Variants in BMPER observed in about 807,000 individuals in gnomAD.
The protein encoded by BMPER is BMP-binding endothelial regulator protein.
A neutral mutation model predicts 87.3 loss-of-function variants in BMPER; 45 were observed. That is an observed-to-expected ratio of 0.52 (90% confidence interval 0.41 to 0.66). The LOEUF is 0.66. Ranked by LOEUF, BMPER falls within the 30% of genes least tolerant of loss-of-function variation. The pLI is 0.00. For missense variants in BMPER, 784 were observed against 867.5 expected, an observed-to-expected ratio of 0.90 and a Z score of 1.21; for synonymous variants, 326 against 316.2, an observed-to-expected ratio of 1.03 and a Z score of -0.33.
intron 6 of BMPER, among the ~76,000 whole-genome samples, chr7:33,989,098 C>G (rs969130340): frequency 8.3e-5 from 11 of 132,438 alleles, no homozygotes; most frequent in Admixed American, 8.0e-5. Flanking sequence ...GTCTTTATAG[C>G]AGCATGATTT....
chr7:33,905,438 T>TCCCCCCCCCCCCCCCCCCCCCCC, upstream of BMPER: 4 of 23,006 alleles, frequency 1.7e-4, no homozygotes, highest in Admixed American at 6.0e-4. Flanking sequence ...CCTTGGTCTC[T>TCCCCCCCCCCCCCCCCCCCCCCC]CCCCCCGCCC....
At chr7:33,905,436 T>TCCCCCCCCCCCCCCCCCCCCCC, upstream of BMPER, 2 of 20,336 alleles carry the variant, frequency 9.8e-5, no homozygotes, top group Admixed American at 7.2e-4. Context: ...CACCTTGGTC[T>TCCCCCCCCCCCCCCCCCCCCCC]CTCCCCCCGC....
chr7:34,131,326 C>T (rs972076739), intron 13 of BMPER, among the ~76,000 whole-genome samples: 1 of 152,110 alleles, frequency 6.6e-6, no homozygotes, highest in Non-Finnish European at 1.5e-5. Flanking sequence ...TGTGAAAAGA[C>T]CCTTTCTTGT....
intron 13 of BMPER, among the ~76,000 whole-genome samples, chr7:34,136,481 A>G (rs1790722262): frequency 6.6e-6 from 1 of 152,128 alleles, no homozygotes; most frequent in Non-Finnish European, 1.5e-5. Context: ...TCAAGGATTA[A>G]AATGTGAGTT....
intron 6 of BMPER, among the ~76,000 whole-genome samples, chr7:34,007,980 T>C (rs1376941274): frequency 6.6e-6 from 1 of 152,024 alleles, no homozygotes; most frequent in Non-Finnish European, 1.5e-5. Context: ...TTTATTGTTT[T>C]TCTTGTCAGT....
intron 13 of BMPER, among the ~76,000 whole-genome samples, chr7:34,089,131 T>C (rs1789303690): frequency 6.6e-6 from 1 of 152,210 alleles, no homozygotes; most frequent in South Asian, 2.1e-4. Context: ...TAGTCAGATC[T>C]GTGGCTGTGA....
chr7:33,906,930 A>G, intron 2 of BMPER, 27 bp downstream of exon 2: 1 of 1,544,934 alleles, frequency 6.5e-7, no homozygotes, highest in Non-Finnish European at 8.9e-7. Flanking sequence ...GGTAATATGA[A>G]CTCAACTGCT....
chr7:34,067,226 A>G (rs917750599), intron 11 of BMPER: 10 of 152,240 alleles, frequency 6.6e-5, no homozygotes, highest in African/African-American at 2.2e-4. Flanking sequence ...TGCAGGCTGC[A>G]TTGGTGTGCC....
Position 33,966,532 on chromosome 7 carries a change from G to C in BMPER, c.373G>C (p.Ala125Pro). ...YNSSFKWQSPAEPCVLRQCQE... is the reference protein window; with the variant it reads ...YNSSFKWQSPPEPCVLRQCQE... Reference sequence around the variant, plus strand: ...CAGCTCCTTCAAATGGCAGAGCCCGGCTGAGCCTTGTGTTCTACGCCAGTG... The same window carrying C: ...CAGCTCCTTCAAATGGCAGAGCCCGCCTGAGCCTTGTGTTCTACGCCAGTG... The change falls in exon 4 of 15, where the codon GCT becomes CCT. Residue 125 changes from alanine to proline, a missense_variant. Coordinates refer to ENST00000649409, the MANE Select transcript of BMPER (RefSeq NM_001365308.1). The C allele has an allele frequency of 6.2e-7, 1 of 1,613,812 alleles. No homozygotes were observed. Among genetic ancestry groups the C allele is most frequent in the South Asian group, 1.1e-5 (1 of 91,072 alleles).
chr7:33,926,419 T>C (rs116380067), intron 2 of BMPER, among the ~76,000 whole-genome samples: 75 of 152,336 alleles, frequency 4.9e-4, no homozygotes, highest in African/African-American at 1.7e-3. Context: ...ATGGTTGATA[T>C]TTTCCTTTAA....
chr7:34,050,177 G>A (rs898411655), intron 7 of BMPER, among the ~76,000 whole-genome samples: 13 of 152,264 alleles, frequency 8.5e-5, no homozygotes, highest in Middle Eastern at 3.4e-3. Context: ...CGTTAGTTGG[G>A]GAATTAACAA....
At chr7:34,084,813 C>T (rs79729591) in intron 12 of BMPER, among the ~76,000 whole-genome samples, 2,353 of 152,266 alleles carry the variant, frequency 0.015, 62 homozygotes, top group African/African-American at 0.054. Flanking sequence ...GAGTCATTGG[C>T]CAGTGTGGCT....
At chr7:34,132,063 T>A (rs994596432) in intron 13 of BMPER, among the ~76,000 whole-genome samples, 2 of 152,044 alleles carry the variant, frequency 1.3e-5, no homozygotes, top group Non-Finnish European at 2.9e-5. Context: ...TGGAAAGGGG[T>A]AATAATGTGC....
intron 13 of BMPER, among the ~76,000 whole-genome samples, chr7:34,122,763 A>G (rs925218184): frequency 6.6e-6 from 1 of 152,194 alleles, no homozygotes; most frequent in Admixed American, 6.5e-5. Flanking sequence ...GCTTTTAATA[A>G]CAACCAAAGT....
chr7:34,115,264 G>A (rs528115276), intron 13 of BMPER, among the ~76,000 whole-genome samples: 10 of 152,284 alleles, frequency 6.6e-5, no homozygotes, highest in African/African-American at 2.4e-4. Flanking sequence ...TATTTTAGGA[G>A]AGAGATAACT....
chr7:33,930,935 G>A (rs1784465421), intron 2 of BMPER, among the ~76,000 whole-genome samples: 2 of 152,186 alleles, frequency 1.3e-5, no homozygotes, highest in Non-Finnish European at 2.9e-5. Context: ...GGGTGATGGA[G>A]CAAGACCCTG....
chr7:33,969,550 C>T (rs1785484837), intron 4 of BMPER, among the ~76,000 whole-genome samples: 1 of 152,190 alleles, frequency 6.6e-6, no homozygotes, highest in African/African-American at 2.4e-5. Flanking sequence ...CAGGCGCCTG[C>T]CACCACGCCC....
At chr7:33,920,699 A>G (rs963390237) in intron 2 of BMPER, among the ~76,000 whole-genome samples, 1 of 152,066 alleles carries the variant, frequency 6.6e-6, no homozygotes, top group African/African-American at 2.4e-5. Context: ...TGCTGGGATT[A>G]CAGGCGTGAG....
At chr7:34,062,784 G>T (rs1293527287) in intron 11 of BMPER, among the ~76,000 whole-genome samples, 1 of 152,104 alleles carries the variant, frequency 6.6e-6, no homozygotes, top group East Asian at 1.9e-4. Flanking sequence ...TGTAATACAT[G>T]GTATTTGTGT....
Sources: allele counts gnomAD v4.1 joint callset (sites outside exome capture counted in the v4.1 genomes callset), GRCh38; gene constraint gnomAD v4.1.1; transcripts MANE v1.5; gene names NCBI Gene and HGNC (gene_info 2026-07-23, HGNC 2026-07-21).